MICU1: variants seen among roughly 807,000 people sequenced by gnomAD.
MICU1 encodes mitochondrial calcium uptake 1, also known as calcium uptake protein 1, mitochondrial.
A neutral mutation model predicts 56.8 loss-of-function variants in MICU1; 45 were observed. That is an observed-to-expected ratio of 0.79 (90% CI 0.62 to 1.02). The LOEUF (loss-of-function observed/expected upper bound fraction) is 1.02. Among genes scored for constraint, MICU1 ranks in the 50% least tolerant of loss-of-function variants. MICU1 has a pLI of 0.00. For synonymous variants in MICU1, 186 were observed against 195.1 expected (o/e 0.95, Z 0.39); for missense variants, 504 against 587.1 (o/e 0.86, Z 1.46).
At chr10:72,432,945 CTTCCT>C (rs1864590064) in intron 8 of MICU1, among the ~76,000 whole-genome samples, 1 of 152,146 alleles carries the variant, frequency 6.6e-6, no homozygotes, top group African/African-American at 2.4e-5. Context: ...GGATCTTCTT[CTTCCT>C]TTATGTTTTT....
At chr10:72,470,710 G>GT (rs912901312) in intron 8 of MICU1, among the ~76,000 whole-genome samples, 13 of 139,366 alleles carry the variant, frequency 9.3e-5, no homozygotes, top group African/African-American at 4.4e-4. Context: ...ACTTTGATCG[G>GT]GGGGGGTGAG....
chr10:72,527,031 T>A lies in MICU1; in HGVS notation c.537+6715A>T, dbSNP rs542268947. On this transcript the variant is annotated intron_variant, in intron 5 of 11. Coordinates refer to ENST00000361114, the MANE Select transcript of MICU1 (RefSeq NM_001195518.2). Reference sequence around the variant, plus strand: ...GAGCCAGTAACAGTAAAATTGATATTCTGATTTTTAAATTCAGGTATTAAA... The same window carrying A: ...GAGCCAGTAACAGTAAAATTGATATACTGATTTTTAAATTCAGGTATTAAA... Among the ~76,000 whole-genome samples, 28 of 152,264 alleles carry A rather than the reference T, an allele frequency of 1.8e-4. No individual in the cohort carries two copies. In the East Asian group the frequency reaches 4.6e-3, roughly 25 times the overall value.
At chr10:72,466,916 T>C (rs1455173327) in intron 8 of MICU1, among the ~76,000 whole-genome samples, 1 of 152,206 alleles carries the variant, frequency 6.6e-6, no homozygotes, top group Non-Finnish European at 1.5e-5. Flanking sequence ...TTTAGGTACT[T>C]TTAATCATTT....
At chr10:72,404,019 T>C (rs1336367754) in intron 10 of MICU1, among the ~76,000 whole-genome samples, 1 of 150,792 alleles carries the variant, frequency 6.6e-6, no homozygotes, top group East Asian at 1.9e-4. Flanking sequence ...AGACAGAGTC[T>C]TCCTCTGTCT....
intron 8 of MICU1, among the ~76,000 whole-genome samples, chr10:72,446,219 A>G (rs912674392): frequency 9.9e-5 from 15 of 152,224 alleles, no homozygotes; most frequent in African/African-American, 3.6e-4. Flanking sequence ...AAAAATTCAG[A>G]AGAGTTGGAT....
intron 6 of MICU1, among the ~76,000 whole-genome samples, chr10:72,482,589 T>G (rs949118755): frequency 1.3e-5 from 2 of 151,694 alleles, no homozygotes; most frequent in South Asian, 2.1e-4. Flanking sequence ...AAATGAGCTG[T>G]TTTTTTTCCT....
intron 5 of MICU1, chr10:72,531,662 G>C (rs1450986611): frequency 6.6e-6 from 1 of 151,840 alleles, no homozygotes; most frequent in East Asian, 1.9e-4. Flanking sequence ...AGGTTGCAGT[G>C]AGCTGAGATG....
At chr10:72,599,396 G>A (rs765433299) in intron 1 of MICU1, among the ~76,000 whole-genome samples, 6 of 151,860 alleles carry the variant, frequency 4.0e-5, no homozygotes, top group East Asian at 1.9e-4. Flanking sequence ...TACATCAGGC[G>A]CTGTTCTGAG....
chr10:72,595,257 G>A (rs781315169), intron 1 of MICU1, among the ~76,000 whole-genome samples: 11 of 151,618 alleles, frequency 7.3e-5, no homozygotes, highest in Non-Finnish European at 1.2e-4. Flanking sequence ...TCTGAGACCA[G>A]CCTGGCCAAC....
Position 72,423,327 on chromosome 10 carries a change from C to T in MICU1, c.978G>A (p.Gln326=). The part of the protein sequence containing the change: ...DPVDGRITER[Q]FGGMLLAYSG... ...TGTAGGCAAGTAGCATGCCACCAAA[C>T]TGCCTCTCAGTAATTCTCCCATCCA... Residue 326 remains glutamine, a synonymous_variant, in exon 9 of 12, where the codon CAG becomes CAA. Transcript: ENST00000361114. The T allele has an allele frequency of 6.2e-7, 1 of 1,613,990 alleles. No individual in the cohort carries two copies. Among genetic ancestry groups the T allele is most frequent in the Non-Finnish European group, 8.5e-7 (1 of 1,179,874 alleles).
At position 72,475,144 on chromosome 10, in the gene MICU1, G is replaced by A. The variant is rs372265013; in HGVS notation, c.889C>T (p.Leu297Phe). ...TGCTGCAGTTTACGCTGAAATTCGA[G>A]GAAGTTTTTGATTGTCAGCTTTCCC... ...LKGKLTIKNF[L>F]EFQRKLQHDV... The change falls in exon 8 of 12, where the codon CTC becomes TTC. Residue 297 changes from leucine (L) to phenylalanine (F), a missense_variant. Leu to Phe is a conservative substitution (Grantham distance 22). Coordinates refer to ENST00000361114, the MANE Select transcript of MICU1 (RefSeq NM_001195518.2). 3 of 1,611,242 alleles carry A rather than the reference G, an allele frequency of 1.9e-6. No homozygotes were observed. Among genetic ancestry groups the A allele is most frequent in the Non-Finnish European group, 2.5e-6 (3 of 1,178,756 alleles).
intron 4 of MICU1, among the ~76,000 whole-genome samples, chr10:72,541,392 C>A (rs1246025570): frequency 1.3e-5 from 2 of 152,104 alleles, no homozygotes; most frequent in Non-Finnish European, 2.9e-5. Context: ...TTGTGACTTC[C>A]CCAACTGCTT....
At chr10:72,457,305 C>A (rs1025459244) in intron 8 of MICU1, among the ~76,000 whole-genome samples, 9 of 150,786 alleles carry the variant, frequency 6.0e-5, no homozygotes, top group African/African-American at 2.2e-4. Flanking sequence ...GCAGCCTCAA[C>A]CTCCTGGGCT....
intron 6 of MICU1, among the ~76,000 whole-genome samples, chr10:72,481,162 G>C (rs981713788): frequency 6.6e-6 from 1 of 152,136 alleles, no homozygotes; most frequent in Admixed American, 6.5e-5. Flanking sequence ...CAATTTCATT[G>C]GCTGATCATG....
At chr10:72,431,533 G>A (rs1032623412) in intron 8 of MICU1, among the ~76,000 whole-genome samples, 1 of 152,112 alleles carries the variant, frequency 6.6e-6, no homozygotes, top group African/African-American at 2.4e-5. Flanking sequence ...TTAGATAACT[G>A]TGCTGATGAA....
intron 8 of MICU1, among the ~76,000 whole-genome samples, chr10:72,447,485 C>G (rs1188891050): frequency 6.6e-6 from 1 of 152,046 alleles, no homozygotes; most frequent in Non-Finnish European, 1.5e-5. Context: ...TACAGACTGA[C>G]TGTAAGTATA....
At chr10:72,562,773 G>T in intron 3 of MICU1, 122 bp downstream of exon 3, 1 of 885,654 alleles carries the variant, frequency 1.1e-6, no homozygotes, top group Non-Finnish European at 1.6e-6. Context: ...ATAGAAAATA[G>T]CAAAGAAGTG....
intron 10 of MICU1, chr10:72,391,862 TTAG>T (rs763500682): frequency 1.3e-5 from 2 of 152,186 alleles, no homozygotes; most frequent in Non-Finnish European, 2.9e-5. Flanking sequence ...CAGTGGGCTA[TTAG>T]TAGTTAAGTT....
intron 8 of MICU1, among the ~76,000 whole-genome samples, chr10:72,432,289 A>G (rs1864561528): frequency 6.6e-6 from 1 of 152,064 alleles, no homozygotes; most frequent in Non-Finnish European, 1.5e-5. Flanking sequence ...ACAAATAAAT[A>G]TAAAAACCAA....
Sources: gnomAD v4.1 joint callset for allele counts (sites outside exome capture counted in the v4.1 genomes callset) on GRCh38, gnomAD v4.1.1 for gene constraint, MANE v1.5 for transcripts, NCBI Gene and HGNC (gene_info 2026-07-23, HGNC 2026-07-21) for gene names.